Variants in DGKB observed in about 807,000 individuals in gnomAD.
DGKB encodes the protein 90 kDa diacylglycerol kinase.
DGKB carries 67 observed loss-of-function variants against 114.3 expected under a neutral mutation model. The observed-to-expected ratio is 0.59, with a 90% CI of 0.48 to 0.72. DGKB has a LOEUF of 0.72. DGKB is among the 30% of genes least tolerant of loss of function. The probability of loss-of-function intolerance (pLI) is 0.00; values close to 1 mark genes in which losing one functional copy is unlikely to be tolerated. For missense variants in DGKB, 907 were observed against 975.2 expected (o/e 0.93, Z 0.93); for synonymous variants, 398 against 323.1 (o/e 1.23, Z -2.49).
At chr7:14,497,823 T>C (rs1259480042) in intron 20 of DGKB, among the ~76,000 whole-genome samples, 1 of 151,890 alleles carries the variant, frequency 6.6e-6, no homozygotes, top group East Asian at 1.9e-4. Context: ...ATTGCTTCCT[T>C]CTGTTCTAGG....
In DGKB at chr7:14,613,326, A is replaced by G; in HGVS notation, c.1358+14T>C. The G allele has an allele frequency of 1.3e-6, 2 of 1,533,168 alleles. No homozygotes were observed. Among genetic ancestry groups the G allele is most frequent in the Non-Finnish European group, 1.8e-6 (2 of 1,128,494 alleles). The allele number at this position is 1,533,168 out of a possible 1,614,324, so 95.0% of individuals were successfully genotyped here. A position where few individuals can be genotyped will look rare whatever the true frequency, so the allele number is the denominator to read the frequency against. On this transcript the variant is annotated intron_variant, in intron 16 of 25. Coordinates refer to ENST00000402815, the MANE Select transcript of DGKB (RefSeq NM_001350709.2). ...ATACATGACATAGACACTAAAATCA[A>G]TCAAAAAACATACCGTTCTCCTTGT... is the stretch of plus-strand genomic sequence containing the variant.
At chr7:14,333,919 A>G (rs1230138246) in intron 23 of DGKB, among the ~76,000 whole-genome samples, 1 of 152,228 alleles carries the variant, frequency 6.6e-6, no homozygotes, top group Non-Finnish European at 1.5e-5. Context: ...CATACCTGAA[A>G]AGCTCCAATT....
chr7:14,625,664 T>C (rs1158078005), intron 14 of DGKB, among the ~76,000 whole-genome samples: 1 of 152,102 alleles, frequency 6.6e-6, no homozygotes, highest in African/African-American at 2.4e-5. Context: ...TAAATTACAT[T>C]GTTGTAATTA....
chr7:14,493,971 C>T (rs1045207098), intron 20 of DGKB, among the ~76,000 whole-genome samples: 6 of 149,280 alleles, frequency 4.0e-5, no homozygotes, highest in Non-Finnish European at 8.9e-5. Context: ...CATCTATGTA[C>T]ACATCATAGC....
intron 25 of DGKB, among the ~76,000 whole-genome samples, chr7:14,155,504 A>G (rs920576232): frequency 1.3e-5 from 2 of 152,132 alleles, no homozygotes; most frequent in African/African-American, 4.8e-5. Flanking sequence ...ACTGAGTTTT[A>G]GTTACATCAT....
At chr7:14,732,194 A>G (rs961760577) in intron 5 of DGKB, among the ~76,000 whole-genome samples, 2 of 55,302 alleles carry the variant, frequency 3.6e-5, no homozygotes, top group Non-Finnish European at 9.9e-5. Flanking sequence ...AGTAGTGAGC[A>G]TAATTTTTTT....
At chr7:14,924,115 TCTAA>T (rs1611040) in intron 1 of DGKB, among the ~76,000 whole-genome samples, 14,619 of 152,118 alleles carry the variant, frequency 0.096, 990 homozygotes, top group Middle Eastern at 0.16. Flanking sequence ...CTCTCCTCAT[TCTAA>T]CTGTTTAGTT....
chr7:14,216,576 A>G (rs1788993526), intron 23 of DGKB, among the ~76,000 whole-genome samples: 1 of 152,060 alleles, frequency 6.6e-6, no homozygotes, highest in East Asian at 1.9e-4. Context: ...AAATACAAAA[A>G]TTAGCCAGGC....
chr7:14,376,515 T>G (rs1039191855), intron 21 of DGKB, among the ~76,000 whole-genome samples: 3 of 152,164 alleles, frequency 2.0e-5, no homozygotes, highest in Admixed American at 6.5e-5. Flanking sequence ...AATTTTTCAT[T>G]TTATATTAAA....
intron 1 of DGKB, 99 bp downstream of exon 1, chr7:14,902,493 C>T (rs1380074253): frequency 1.3e-5 from 2 of 152,264 alleles, no homozygotes. Context: ...CAAAGCTATG[C>T]TTCTCTAACT....
At chr7:14,315,829 C>T (rs1439296540) in intron 23 of DGKB, among the ~76,000 whole-genome samples, 2 of 150,892 alleles carry the variant, frequency 1.3e-5, no homozygotes, top group Admixed American at 6.6e-5. Context: ...ACAGAATATA[C>T]ATTTTTTTCA....
chr7:14,590,652 C>A (rs1305022316), intron 17 of DGKB, among the ~76,000 whole-genome samples: 1 of 152,060 alleles, frequency 6.6e-6, no homozygotes, highest in Non-Finnish European at 1.5e-5. Flanking sequence ...GAAACTCATT[C>A]ATTCCTTACT....
chr7:14,648,586 G>A (rs1339357774), intron 13 of DGKB, among the ~76,000 whole-genome samples: 9 of 152,226 alleles, frequency 5.9e-5, no homozygotes, highest in South Asian at 2.1e-4. Flanking sequence ...AAAGCAGAGC[G>A]CCTCTCCTCC....
At chr7:14,211,213 C>T (rs2128304707) in intron 23 of DGKB, among the ~76,000 whole-genome samples, 1 of 152,180 alleles carries the variant, frequency 6.6e-6, no homozygotes, top group East Asian at 1.9e-4. Flanking sequence ...GCTTCATCAT[C>T]CTAATAGCTA....
At chr7:14,523,612 A>G (rs1250362879) in intron 20 of DGKB, among the ~76,000 whole-genome samples, 1 of 152,188 alleles carries the variant, frequency 6.6e-6, no homozygotes, top group East Asian at 1.9e-4. Flanking sequence ...GAATAATATC[A>G]ATAAAATAGT....
chr7:14,630,964 G>A (rs912749801), intron 13 of DGKB, among the ~76,000 whole-genome samples: 3 of 150,774 alleles, frequency 2.0e-5, no homozygotes, highest in African/African-American at 7.3e-5. Context: ...TGCATTCTAT[G>A]GAAATGAGAA....
intron 23 of DGKB, among the ~76,000 whole-genome samples, chr7:14,336,070 G>A (rs1280883074): frequency 6.6e-6 from 1 of 152,090 alleles, no homozygotes; most frequent in Non-Finnish European, 1.5e-5. Flanking sequence ...TCAAGAAATT[G>A]AAAACAAAAT....
intron 5 of DGKB, among the ~76,000 whole-genome samples, chr7:14,726,465 T>A (rs1010410409): frequency 6.6e-6 from 1 of 152,210 alleles, no homozygotes. Context: ...AGCATGATTC[T>A]GTGAGGCTGG....
At chr7:14,855,701 G>C (rs911981064) in intron 1 of DGKB, among the ~76,000 whole-genome samples, 1 of 152,024 alleles carries the variant, frequency 6.6e-6, no homozygotes, top group African/African-American at 2.4e-5. Flanking sequence ...TTTTTGGAAA[G>C]CCCAGATTCT....
Sources: allele counts gnomAD v4.1 joint callset (sites outside exome capture counted in the v4.1 genomes callset), GRCh38; gene constraint gnomAD v4.1.1; transcripts MANE v1.5; gene names NCBI Gene and HGNC (gene_info 2026-07-23, HGNC 2026-07-21).